Variants in CR1 observed in about 807,000 individuals in gnomAD.
The protein encoded by CR1 is complement receptor type 1.
Under a neutral mutation model 187.3 loss-of-function variants are expected in CR1, and 116 were observed. The ratio of observed to expected loss-of-function variants is 0.62; its 90% confidence interval spans 0.53 to 0.72. CR1 has a LOEUF of 0.72. Among genes scored for constraint, CR1 ranks in the 30% least tolerant of loss-of-function variants. CR1 has a pLI of 0.00. For synonymous variants in CR1, 576 were observed against 747.1 expected (o/e 0.77, Z 3.73); for missense variants, 1,731 against 2,110.7 (o/e 0.82, Z 3.52).
chr1:207,620,664 A>G (rs1170692160), intron 43 of CR1, among the ~76,000 whole-genome samples: 16 of 152,206 alleles, frequency 1.1e-4, no homozygotes, highest in Admixed American at 1.0e-3. Flanking sequence ...GTTCTACACC[A>G]AGATTGTTCA....
intron 46 of CR1, among the ~76,000 whole-genome samples, chr1:207,639,112 C>G (rs369294064): frequency 3.3e-5 from 5 of 152,368 alleles, no homozygotes; most frequent in Middle Eastern, 3.4e-3. Context: ...CCATTTCTAT[C>G]AAATTTAGAA....
Position 207,578,192 on chromosome 1 carries a change from G to A in CR1, c.4925G>A (p.Ser1642Asn). The A allele has an allele frequency of 6.2e-7, 1 of 1,611,886 alleles. No homozygotes were observed. Among genetic ancestry groups the A allele is most frequent in the Non-Finnish European group, 8.5e-7 (1 of 1,179,722 alleles). The change falls in exon 29 of 47, where the codon AGC becomes AAC. Residue 1642 changes from serine to asparagine, a missense_variant. By Grantham distance (46) the Ser-to-Asn change is conservative (BLOSUM62 1). Transcript: ENST00000367049. ...ALNKWEPELP[S>N]CSRVCQPPPE... is the part of the protein sequence containing the mutation. ...AACAAATGGGAGCCAGAGTTACCAA[G>A]CTGCTCCAGGGGTGAGTCTGACTGA...
Position 207,523,816 on chromosome 1 carries a change from G to C in CR1, c.693G>C (p.Gln231His), listed in dbSNP as rs752881313. The change falls in exon 5 of 47, where the codon CAG (glutamine) becomes CAC (histidine). Residue 231 changes from glutamine (Q) to histidine (H), a missense_variant. Gln to His is a conservative substitution (Grantham distance 24, BLOSUM62 0). This residue lies in a region of CR1 where 131 missense variants were observed against 196.8 expected (regional missense o/e 0.67). Transcript: ENST00000367049. The stretch of plus-strand genomic sequence containing the variant: ...GCATCTGGAGCGGCCCCGCCCCTCA[G>C]TGCATTATACCTAACAAATGCACGC... ...QVGIWSGPAP[Q>H]CIIPNKCTPP... 6.2e-7 allele frequency: 1 copy of C among 1,611,746 alleles called. No individual in the cohort carries two copies. Among genetic ancestry groups the C allele is most frequent in the African/African-American group, 1.3e-5 (1 of 74,862 alleles).
At chr1:207,588,224 G>C (rs1661168017) in intron 34 of CR1, among the ~76,000 whole-genome samples, 1 of 152,126 alleles carries the variant, frequency 6.6e-6, no homozygotes, top group South Asian at 2.1e-4. Context: ...TGTCACCCAG[G>C]CCGGAGTGTA....
chr1:207,628,985 C>A (rs1202684519), intron 45 of CR1, among the ~76,000 whole-genome samples: 2 of 152,118 alleles, frequency 1.3e-5, no homozygotes, highest in Non-Finnish European at 2.9e-5. Flanking sequence ...AATCTCACTG[C>A]CTTGTTATTT....
intron 40 of CR1, among the ~76,000 whole-genome samples, chr1:207,615,338 C>A (rs1187159831): frequency 2.6e-5 from 4 of 151,974 alleles, no homozygotes; most frequent in African/African-American, 2.4e-5. Context: ...AAACAAAATT[C>A]TAAAAATTAT....
chr1:207,587,549 T>G lies in CR1; in HGVS notation c.5694T>G (p.Val1898=), dbSNP rs1661147724. The G allele has an allele frequency of 3.1e-6, 5 of 1,613,636 alleles. No individual in the cohort carries two copies. The highest frequency in any genetic ancestry group is 1.6e-4 in the Middle Eastern group (1 of 6,084). Residue 1898 remains valine (V), a synonymous_variant, in exon 34 of 47, where the codon GTT becomes GTG. Coordinates refer to ENST00000367049, the MANE Select transcript of CR1 (RefSeq NM_000651.6). Reference sequence around the variant, plus strand: ...TAGAAAACTTGGTCTGGTCAAGTGTTGAAGACAACTGTAGACGTGAGTAAC... The same window carrying G: ...TAGAAAACTTGGTCTGGTCAAGTGTGGAAGACAACTGTAGACGTGAGTAAC... ...SCLENLVWSS[V]EDNCRRKSCG...
chr1:207,639,605 G>A lies in CR1; in HGVS notation c.*196G>A, dbSNP rs1241755125. ...CCTGCCTCTTTGTGTGCGTCACTGT[G>A]AAACCCCCACCCTTCTGCCTCGTGC... On this transcript the variant is annotated 3_prime_UTR_variant, in exon 47 of 47. Coordinates refer to ENST00000367049, the MANE Select transcript of CR1 (RefSeq NM_000651.6). The A allele has an allele frequency of 5.3e-6, 3 of 566,988 alleles. No homozygotes were observed. In the African/African-American group the frequency reaches 5.6e-5, roughly 11 times the overall value. The allele number at this position is 566,988 out of a possible 1,614,324, so 35.1% of individuals were successfully genotyped here. A position where few individuals can be genotyped will look rare whatever the true frequency, so the allele number is the denominator to read the frequency against.
At position 207,501,919 on chromosome 1, in the gene CR1, T is replaced by A. The variant is rs1166745324; in HGVS notation, c.122-3985T>A. 3.7e-5 allele frequency among the ~76,000 whole-genome samples: 4 copies of A among 108,306 alleles called. No homozygotes were observed. In the African/African-American group the frequency reaches 3.8e-4, roughly 10 times the overall value. The allele number at this position is 108,306 out of a possible 152,430, so 71.1% of individuals were successfully genotyped here. Reference sequence around the variant, plus strand: ...ATAACAGCAACTGTTTTACTCAGTGTTTTTTTTTTTTACAGTATCCTCAAA... The same window carrying A: ...ATAACAGCAACTGTTTTACTCAGTGATTTTTTTTTTTACAGTATCCTCAAA... On this transcript the variant is annotated intron_variant, in intron 1 of 46. Transcript: ENST00000367049.
Position 207,617,529 on chromosome 1 carries a change from GTGTGTGTGTA to G in CR1, c.6890-534_6890-525del, listed in dbSNP as rs1296054359. Among the ~76,000 whole-genome samples, 86 of 99,780 alleles carry G rather than the reference GTGTGTGTGTA, an allele frequency of 8.6e-4. 1 individual carries two copies. The highest frequency in any genetic ancestry group is 2.5e-3 in the African/African-American group (74 of 29,634). 65.5% of individuals were successfully genotyped at this position (99,780 alleles called of 152,430 possible). ...TATATGTGTGTGTGTGTGTGTGTGT[GTGTGTGTGTA>G]TGTGTGTATATATATATGTGTATAT... On this transcript the variant is annotated intron_variant, in intron 41 of 46. Transcript: ENST00000367049.
intron 28 of CR1, among the ~76,000 whole-genome samples, chr1:207,577,305 T>C (rs1256818747): frequency 6.6e-6 from 1 of 151,732 alleles, no homozygotes; most frequent in East Asian, 1.9e-4. Context: ...CATGGATACA[T>C]TTAGTGAAAT....
At chr1:207,628,117 C>T (rs146848211) in intron 45 of CR1, among the ~76,000 whole-genome samples, 69 of 152,262 alleles carry the variant, frequency 4.5e-4, no homozygotes, top group Non-Finnish European at 7.5e-4. Flanking sequence ...TATGCTTAAA[C>T]GATATCACAC....
At chr1:207,576,831 C>T (rs1362145397) in intron 28 of CR1, among the ~76,000 whole-genome samples, 2 of 152,008 alleles carry the variant, frequency 1.3e-5, no homozygotes, top group Admixed American at 6.6e-5. Context: ...AAAAAAAATG[C>T]TATGCTGTAT....
intron 46 of CR1, among the ~76,000 whole-genome samples, chr1:207,632,380 A>G (rs17048149): frequency 0.02 from 3,103 of 152,326 alleles, 122 homozygotes; most frequent in African/African-American, 0.071. Flanking sequence ...TTCCTAGAGA[A>G]TATATTTTTC....
intron 1 of CR1, 30 bp downstream of exon 1, chr1:207,496,418 C>T: frequency 6.3e-7 from 1 of 1,583,270 alleles, no homozygotes; most frequent in East Asian, 2.3e-5. Context: ...GGGGAGGCGC[C>T]CGGGCGGACG....
chr1:207,523,673 A>G lies in CR1; in HGVS notation c.550A>G (p.Asn184Asp). 6.2e-7 allele frequency: 1 copy of G among 1,613,806 alleles called. No individual in the cohort carries two copies. ...AGATTTCATTAGCACCAACAGAGAG[A>G]ATTTTCACTATGGATCAGTGGTGAC... ...NGDFISTNRENFHYGSVVTYR... is the reference protein window; with the variant it reads ...NGDFISTNREDFHYGSVVTYR... Residue 184 changes from asparagine to aspartate, a missense_variant, in exon 5 of 47, where the codon AAT (asparagine) becomes GAT (aspartate). This residue lies in a region of CR1 where 237 missense variants were observed against 240.4 expected (regional missense o/e 0.99). Coordinates refer to ENST00000367049, the MANE Select transcript of CR1 (RefSeq NM_000651.6).
chr1:207,501,055 G>A (rs1038897830), intron 1 of CR1, among the ~76,000 whole-genome samples: 3 of 152,156 alleles, frequency 2.0e-5, no homozygotes, highest in African/African-American at 7.2e-5. Context: ...TATAAATGAA[G>A]TGATTTAGGT....
At chr1:207,600,104 C>T (rs1002693773) in intron 35 of CR1, among the ~76,000 whole-genome samples, 7 of 152,064 alleles carry the variant, frequency 4.6e-5, no homozygotes, top group African/African-American at 1.7e-4. Flanking sequence ...TAGCCCTAGA[C>T]AAATGAATGT....
At chr1:207,591,938 T>C (rs1163614000) in intron 35 of CR1, among the ~76,000 whole-genome samples, 2 of 151,948 alleles carry the variant, frequency 1.3e-5, no homozygotes, top group African/African-American at 4.8e-5. Flanking sequence ...AGTTCTGAAA[T>C]TGAGGAAGTA....
Sources: gnomAD v4.1 joint callset for allele counts (sites outside exome capture counted in the v4.1 genomes callset) on GRCh38, gnomAD v4.1.1 for gene constraint, gnomAD v4.1.1 regional missense constraint, MANE v1.5 for transcripts, NCBI Gene and HGNC (gene_info 2026-07-23, HGNC 2026-07-21) for gene names.